The following CDH23 variants were observed in gnomAD, a reference collection of about 807,000 sequenced individuals.
The protein encoded by CDH23 is cadherin-23.
A neutral mutation model predicts 317.1 loss-of-function variants in CDH23; 189 were observed. The ratio of observed to expected loss-of-function variants is 0.60; its 90% CI spans 0.53 to 0.67. The LOEUF (loss-of-function observed/expected upper bound fraction) is 0.67, where lower values mean the gene tolerates loss of function less well. Ranked by LOEUF, CDH23 falls within the 30% of genes least tolerant of loss-of-function variation. The probability of loss-of-function intolerance (pLI) is 0.00; values close to 1 mark genes in which losing one functional copy is unlikely to be tolerated. For synonymous variants in CDH23, 1,839 were observed against 1,876.8 expected, an observed-to-expected ratio of 0.98 and a Z score of 0.52; for missense variants, 4,401 against 4,592.4, an observed-to-expected ratio of 0.96 and a Z score of 1.20.
intron 1 of CDH23, among the ~76,000 whole-genome samples, chr10:71,405,727 C>G (rs1039959053): frequency 6.6e-6 from 1 of 152,174 alleles, no homozygotes; most frequent in Non-Finnish European, 1.5e-5. Flanking sequence ...CATGAGCCAT[C>G]GTGCCCAGCC....
At chr10:71,615,864 T>A (rs1301991635) in intron 10 of CDH23, among the ~76,000 whole-genome samples, 1 of 152,152 alleles carries the variant, frequency 6.6e-6, no homozygotes, top group African/African-American at 2.4e-5. Flanking sequence ...GGTTGGAACT[T>A]TTATCCCCTC....
At chr10:71,533,548 CA>C (rs1855527510) in intron 6 of CDH23, among the ~76,000 whole-genome samples, 3 of 151,336 alleles carry the variant, frequency 2.0e-5, no homozygotes, top group African/African-American at 7.3e-5. Flanking sequence ...CACACACACA[CA>C]CACACACACA....
chr10:71,713,132 A>G (rs1309848418), intron 28 of CDH23: 9 of 778,296 alleles, frequency 1.2e-5, no homozygotes, highest in Middle Eastern at 2.3e-4. Flanking sequence ...AGACGTCACA[A>G]TTTCCCGGAA....
chr10:71,648,977 G>A lies in CDH23; in HGVS notation c.1449+2360G>A, dbSNP rs534813256. On this transcript the variant is annotated intron_variant, in intron 14 of 69. Coordinates refer to ENST00000224721, the MANE Select transcript of CDH23 (RefSeq NM_022124.6). The stretch of plus-strand genomic sequence containing the variant: ...GGAGATGGTGGGGACCCCGCGTGCT[G>A]GCCTATCCATGCCACTCTTAGCGCC... 3.3e-5 allele frequency among the ~76,000 whole-genome samples: 5 copies of A among 152,324 alleles called. No homozygotes were observed. The South Asian group carries it at 1.0e-3, about 32-fold the overall frequency.
intron 55 of CDH23, 123 bp from the exon 56 acceptor site, chr10:71,805,683 C>A (rs570076651): frequency 1.8e-4 from 170 of 962,840 alleles, no homozygotes; most frequent in Non-Finnish European, 2.3e-4. Flanking sequence ...GCGCTCCTGG[C>A]GGGTGCTGTA....
chr10:71,642,095 AAAT>A (rs71018218), intron 11 of CDH23, among the ~76,000 whole-genome samples: 85 of 150,598 alleles, frequency 5.6e-4, no homozygotes, highest in Middle Eastern at 3.4e-3. Context: ...GCTTCCATCT[AAAT>A]AATAATAATA....
chr10:71,548,925 G>A (rs575883964), intron 6 of CDH23, among the ~76,000 whole-genome samples: 3 of 152,330 alleles, frequency 2.0e-5, no homozygotes, highest in African/African-American at 4.8e-5. Flanking sequence ...CACCATAACC[G>A]ATAGCTCATG....
At chr10:71,741,080 G>A in intron 37 of CDH23, 130 bp downstream of exon 37, 2 of 1,089,394 alleles carry the variant, frequency 1.8e-6, no homozygotes, top group Non-Finnish European at 2.8e-6. Flanking sequence ...GGGAACTGTG[G>A]CTCATTCGTA....
intron 69 of CDH23, among the ~76,000 whole-genome samples, chr10:71,814,596 T>C (rs1310145960): frequency 1.3e-5 from 2 of 152,000 alleles, no homozygotes; most frequent in Non-Finnish European, 2.9e-5. Context: ...GAGGTGGAGA[T>C]TGCAGTGAGC....
chr10:71,579,088 C>A (rs1048898849), intron 9 of CDH23, among the ~76,000 whole-genome samples: 6 of 152,168 alleles, frequency 3.9e-5, no homozygotes, highest in Non-Finnish European at 8.8e-5. Flanking sequence ...GATGATTTAA[C>A]ATATAAAGGG....
At chr10:71,481,720 C>A (rs908247755) in intron 3 of CDH23, among the ~76,000 whole-genome samples, 2 of 152,248 alleles carry the variant, frequency 1.3e-5, no homozygotes, top group Non-Finnish European at 2.9e-5. Flanking sequence ...GGATCAGTTT[C>A]TCCTCCACAA....
chr10:71,566,642 G>A (rs1300128100), intron 6 of CDH23, 100 bp from the exon 7 acceptor site: 17 of 1,071,502 alleles, frequency 1.6e-5, no homozygotes, highest in Non-Finnish European at 2.1e-5. Context: ...GGGTCTGGTT[G>A]GCTGAAGGAT....
At position 71,709,917 on chromosome 10, in the gene CDH23, T is replaced by C. The variant is rs112748652; in HGVS notation, c.3220+706T>C. On this transcript the variant is annotated intron_variant, in intron 27 of 69. Coordinates refer to ENST00000224721, the MANE Select transcript of CDH23 (RefSeq NM_022124.6). ...GCAGAAGGCAAGGAGGAGCAAGTCC[T>C]GTCTTACATGGATGGTAGCACGCAA... Among the ~76,000 whole-genome samples, 769 of 152,258 alleles carry C rather than the reference T, an allele frequency of 5.1e-3. 8 individuals carry two copies. The highest frequency in any genetic ancestry group is 0.017 in the African/African-American group (726 of 41,538).
chr10:71,755,934 T>C (rs1032463988), intron 38 of CDH23, among the ~76,000 whole-genome samples: 2 of 152,174 alleles, frequency 1.3e-5, no homozygotes, highest in Non-Finnish European at 2.9e-5. Context: ...CACCAAACTG[T>C]AGGCTTAAAA....
intron 66 of CDH23, chr10:71,812,234 A>C (rs569997229): frequency 6.3e-7 from 1 of 1,596,502 alleles, no homozygotes; most frequent in African/African-American, 1.3e-5. Context: ...CAGGGGATGC[A>C]GACTTTGGGC....
intron 9 of CDH23, among the ~76,000 whole-genome samples, chr10:71,585,709 G>A (rs183310351): frequency 1.5e-4 from 23 of 152,206 alleles, no homozygotes; most frequent in African/African-American, 5.1e-4. Context: ...CTGATCTTTC[G>A]CCCTCTTCTC....
chr10:71,447,216 T>C (rs950428904), intron 3 of CDH23, among the ~76,000 whole-genome samples: 2 of 152,164 alleles, frequency 1.3e-5, no homozygotes, highest in African/African-American at 4.8e-5. Context: ...GGTGCATCTT[T>C]AGGGAGCATC....
intron 2 of CDH23, among the ~76,000 whole-genome samples, chr10:71,445,789 C>T (rs1343645232): frequency 7.2e-6 from 1 of 138,350 alleles, no homozygotes; most frequent in Non-Finnish European, 1.5e-5. Flanking sequence ...TCCGGCCTGC[C>T]GTGAGCCATG....
intron 14 of CDH23, among the ~76,000 whole-genome samples, chr10:71,661,951 A>T (rs1252122055): frequency 7.0e-6 from 1 of 142,220 alleles, no homozygotes; most frequent in African/African-American, 2.7e-5. Context: ...GCGCGCACAC[A>T]CACAGAACCC....
Sources: gnomAD v4.1 joint callset for allele counts (sites outside exome capture counted in the v4.1 genomes callset) on GRCh38, gnomAD v4.1.1 for gene constraint, MANE v1.5 for transcripts, NCBI Gene and HGNC (gene_info 2026-07-23, HGNC 2026-07-21) for gene names.